Variants in BEAN1 observed in about 807,000 individuals in gnomAD.
BEAN1 encodes protein BEAN1.
BEAN1 carries 17 observed loss-of-function variants against 17.7 expected under a neutral mutation model. The ratio of observed to expected loss-of-function variants is 0.96; its 90% CI spans 0.66 to 1.44. The LOEUF (loss-of-function observed/expected upper bound fraction) is 1.44. Ranked by LOEUF, BEAN1 falls within the 40% of genes most tolerant of loss-of-function variation. The pLI, the probability that BEAN1 is intolerant of heterozygous loss-of-function variation, is 0.00. For missense variants in BEAN1, 359 were observed against 374.1 expected, an observed-to-expected ratio of 0.96 and a Z score of 0.33; for synonymous variants, 142 against 151.8, an observed-to-expected ratio of 0.94 and a Z score of 0.47.
At chr16:66,488,064 G>A (rs771851991) in intron 4 of BEAN1, among the ~76,000 whole-genome samples, 4 of 152,162 alleles carry the variant, frequency 2.6e-5, no homozygotes, top group African/African-American at 4.8e-5. Flanking sequence ...CATGCCCAGC[G>A]TTCTCACCCT....
At position 66,427,834 on chromosome 16, in the gene BEAN1, A is replaced by G. The variant is rs749011122; in HGVS notation, c.-83+403A>G. 1 of 151,950 alleles carries G rather than the reference A, an allele frequency of 6.6e-6. No individual in the cohort carries two copies. The highest frequency in any genetic ancestry group is 2.4e-5 in the African/African-American group (1 of 41,360). 9.4% of individuals were successfully genotyped at this position (151,950 alleles called of 1,614,324 possible). On this transcript the variant is annotated intron_variant, in intron 1 of 4. Coordinates refer to ENST00000536005, the MANE Select transcript of BEAN1 (RefSeq NM_001178020.3). The surrounding 1 kb of genome is among the most constrained non-coding windows in gnomAD (Gnocchi z 4.7). ...GTTTCGGGGACCCCTGAACAACCCA[A>G]CCAAGAAGGGAAAACTAGGGCGCAC... is the stretch of plus-strand genomic sequence containing the variant.
At chr16:66,459,163 G>A (rs1401229060) in intron 2 of BEAN1, among the ~76,000 whole-genome samples, 1 of 152,196 alleles carries the variant, frequency 6.6e-6, no homozygotes, top group African/African-American at 2.4e-5. Context: ...TGAGTTCCAA[G>A]CTCATGGGGA....
At chr16:66,460,843 G>T (rs1963054765) in intron 2 of BEAN1, among the ~76,000 whole-genome samples, 1 of 152,234 alleles carries the variant, frequency 6.6e-6, no homozygotes, top group Non-Finnish European at 1.5e-5. Flanking sequence ...TATCTGTGGG[G>T]CTGTGTGACC....
chr16:66,475,030 T>A (rs1278290021), intron 3 of BEAN1, among the ~76,000 whole-genome samples: 1 of 152,154 alleles, frequency 6.6e-6, no homozygotes, highest in African/African-American at 2.4e-5. Flanking sequence ...CCAGAGCCTG[T>A]CAAGGGGCAG....
intron 4 of BEAN1, among the ~76,000 whole-genome samples, chr16:66,490,124 T>C (rs1013482087): frequency 6.8e-6 from 1 of 147,744 alleles, no homozygotes; most frequent in African/African-American, 2.5e-5. Context: ...CTCATGCCTG[T>C]AATCTCAGCA....
At chr16:66,464,600 C>T (rs369360545) in intron 2 of BEAN1, among the ~76,000 whole-genome samples, 15 of 152,300 alleles carry the variant, frequency 9.8e-5, no homozygotes, top group African/African-American at 3.6e-4. Context: ...GCCTCAGCCT[C>T]CCAAAGTGCT....
intron 2 of BEAN1, among the ~76,000 whole-genome samples, chr16:66,466,161 G>A (rs1963254780): frequency 6.6e-6 from 1 of 152,172 alleles, no homozygotes; most frequent in Non-Finnish European, 1.5e-5. Context: ...CGGGCGTGGT[G>A]GCTCACACCT....
intron 2 of BEAN1, 102 bp downstream of exon 2, chr16:66,437,803 G>A: frequency 1.4e-6 from 2 of 1,402,518 alleles, no homozygotes; most frequent in Non-Finnish European, 2.0e-6. Context: ...CCAAAGAACT[G>A]CAGGGGTCCA....
downstream of BEAN1, among the ~76,000 whole-genome samples, chr16:66,494,859 T>A (rs1332620391): frequency 3.9e-5 from 6 of 152,132 alleles, no homozygotes; most frequent in Non-Finnish European, 8.8e-5. Flanking sequence ...CACATGCACA[T>A]ACACATGCCC....
At chr16:66,429,260 A>C (rs965806762) in intron 1 of BEAN1, among the ~76,000 whole-genome samples, 5 of 152,144 alleles carry the variant, frequency 3.3e-5, no homozygotes, top group African/African-American at 1.2e-4. Flanking sequence ...CGTCCAGGCA[A>C]CTGGGCCATG....
rs372819466 is a variant in BEAN1, at chr16:66,480,765, C to T, written c.620C>T (p.Thr207Met). Residue 207 changes from threonine to methionine, a missense_variant, in exon 5 of 5, where the codon ACG becomes ATG. Thr to Met is a moderately conservative substitution (Grantham distance 81, BLOSUM62 -1). Transcript: ENST00000536005. ...QRTPAQGGLH[T>M]VSMDTLPPYE... is the part of the protein sequence containing the mutation. ...ACCCCGGCCCAAGGTGGCCTTCACA[C>T]GGTCTCCATGGACACCCTTCCCCCC... 2.2e-5 allele frequency: 34 copies of T among 1,551,214 alleles called. No individual in the cohort carries two copies. The highest frequency in any genetic ancestry group is 9.8e-5 in the Admixed American group (5 of 50,958).
intron 4 of BEAN1, among the ~76,000 whole-genome samples, chr16:66,490,434 TAA>T (rs1040804333): frequency 7.1e-6 from 1 of 140,744 alleles, no homozygotes; most frequent in Non-Finnish European, 1.5e-5. Context: ...TAAAATAAAA[TAA>T]AATAAAATAA....
downstream of BEAN1, among the ~76,000 whole-genome samples, chr16:66,486,297 C>T (rs1051186210): frequency 9.9e-5 from 15 of 152,014 alleles, no homozygotes; most frequent in Admixed American, 2.6e-4. Flanking sequence ...GGTACGATCT[C>T]GGCTCACTGC....
At position 66,434,100 on chromosome 16, in the gene BEAN1, G is replaced by A. The variant is rs1961914874; in HGVS notation, c.-82-3495G>A. 6.6e-6 allele frequency among the ~76,000 whole-genome samples: 1 copy of A among 152,224 alleles called. No homozygotes were observed. Among genetic ancestry groups the A allele is most frequent in the Non-Finnish European group, 1.5e-5 (1 of 68,044 alleles). On this transcript the variant is annotated intron_variant, in intron 1 of 4. Coordinates refer to ENST00000536005, the MANE Select transcript of BEAN1 (RefSeq NM_001178020.3). This position sits in a 1 kb window ranked among gnomAD's most constrained non-coding sequence, Gnocchi z 4.3. ...CTCGAGTTCCCAGCCAGACAATCCA[G>A]TAGGAGATGAGTCACTGGCAGGAGC...
chr16:66,445,797 G>A (rs66490316), intron 2 of BEAN1, among the ~76,000 whole-genome samples: 25,230 of 152,108 alleles, frequency 0.17, 2,252 homozygotes, highest in South Asian at 0.31. Flanking sequence ...AGTCATTGGA[G>A]GGGTTTGAGC....
At chr16:66,436,721 G>A (rs575323263) in intron 1 of BEAN1, among the ~76,000 whole-genome samples, 1 of 152,170 alleles carries the variant, frequency 6.6e-6, no homozygotes, top group East Asian at 1.9e-4. Context: ...GATTACAGGT[G>A]TGAGCCATTG....
At chr16:66,484,249 G>C (rs1004471884), downstream of BEAN1, 3 of 289,828 alleles carry the variant, frequency 1.0e-5, no homozygotes, top group Non-Finnish European at 2.0e-5. The surrounding 1 kb of genome is among the most constrained non-coding windows in gnomAD (Gnocchi z 4.2). Flanking sequence ...GTGCTCTGGG[G>C]CTCCACCTCC....
downstream of BEAN1, chr16:66,485,217 T>A (rs28508077): frequency 6.6e-4 from 273 of 412,272 alleles, 1 homozygote; most frequent in African/African-American, 4.9e-3. Flanking sequence ...TTCCTAGAGA[T>A]ACCCCTGGCA....
chr16:66,457,434 C>T (rs1242206978), intron 2 of BEAN1, among the ~76,000 whole-genome samples: 1 of 152,114 alleles, frequency 6.6e-6, no homozygotes, highest in African/African-American at 2.4e-5. Flanking sequence ...GCTCCCAATG[C>T]CACAAATGTC....
Sources: allele counts gnomAD v4.1 joint callset (sites outside exome capture counted in the v4.1 genomes callset), GRCh38; gene constraint gnomAD v4.1.1; non-coding constraint Gnocchi (gnomAD v3.1); transcripts MANE v1.5; gene names NCBI Gene and HGNC (gene_info 2026-07-23, HGNC 2026-07-21).